DISC1: variants seen among roughly 807,000 people sequenced by gnomAD.
DISC1 encodes the protein disrupted in schizophrenia 1 protein.
DISC1 carries 57 observed loss-of-function variants against 84.5 expected under a neutral mutation model. The observed-to-expected ratio is 0.67, with a 90% CI of 0.55 to 0.84. The LOEUF (loss-of-function observed/expected upper bound fraction) is 0.84. Among genes scored for constraint, DISC1 ranks in the 40% least tolerant of loss-of-function variants. The pLI is 0.00. For missense variants in DISC1, 1,000 were observed against 1,057.8 expected (o/e 0.95, Z 0.76); for synonymous variants, 411 against 415.2 (o/e 0.99, Z 0.12).
At chr1:231,746,712 T>A (rs1189203205) in intron 3 of DISC1, among the ~76,000 whole-genome samples, 1 of 152,210 alleles carries the variant, frequency 6.6e-6, no homozygotes, top group Non-Finnish European at 1.5e-5. Context: ...TGATGATCAG[T>A]GATGTTGAGC....
intron 10 of DISC1, among the ~76,000 whole-genome samples, chr1:232,004,962 T>TTCCA (rs1357152075): frequency 0.22 from 24,523 of 112,626 alleles, 4,207 homozygotes; most frequent in African/African-American, 0.28. Context: ...CCTTCCTTCC[T>TTCCA]TCCTTCTTCC....
intron 6 of DISC1, among the ~76,000 whole-genome samples, chr1:231,788,085 C>A (rs868827153): frequency 2.0e-5 from 3 of 152,142 alleles, no homozygotes; most frequent in Non-Finnish European, 4.4e-5. Context: ...GAGTTTGAGA[C>A]CAGTCTGGAT....
chr1:231,760,538 G>A (rs896517993), intron 4 of DISC1, among the ~76,000 whole-genome samples: 2 of 152,284 alleles, frequency 1.3e-5, no homozygotes, highest in Non-Finnish European at 2.9e-5. Context: ...TTCTAACTGT[G>A]ATGATGAGAA....
chr1:231,634,691 C>T (rs1051986065), intron 1 of DISC1, among the ~76,000 whole-genome samples: 2 of 152,150 alleles, frequency 1.3e-5, no homozygotes, highest in Admixed American at 6.5e-5. Context: ...TTTATTTATT[C>T]ATTCACAAAC....
chr1:231,715,607 G>C (rs1031040841), intron 3 of DISC1, among the ~76,000 whole-genome samples: 1 of 152,016 alleles, frequency 6.6e-6, no homozygotes, highest in Non-Finnish European at 1.5e-5. Flanking sequence ...ATATACTCTG[G>C]GACTGATTGG....
At chr1:231,842,834 AT>A (rs1307287805) in intron 9 of DISC1, among the ~76,000 whole-genome samples, 5 of 152,200 alleles carry the variant, frequency 3.3e-5, no homozygotes, top group Non-Finnish European at 7.3e-5. Context: ...AAAGAAAAAA[AT>A]ATATAGGATT....
intron 9 of DISC1, among the ~76,000 whole-genome samples, chr1:231,882,432 C>G (rs1474499573): frequency 6.6e-6 from 1 of 152,222 alleles, no homozygotes; most frequent in Non-Finnish European, 1.5e-5. Context: ...ATTTGGAAAT[C>G]TTTCAGAGAA....
At chr1:231,928,250 T>C (rs2090459246) in intron 9 of DISC1, among the ~76,000 whole-genome samples, 1 of 152,202 alleles carries the variant, frequency 6.6e-6, no homozygotes. Context: ...GATGACATGA[T>C]ATTTAAACAA....
intron 1 of DISC1, among the ~76,000 whole-genome samples, chr1:231,677,952 G>A (rs944086167): frequency 6.6e-6 from 1 of 151,942 alleles, no homozygotes; most frequent in Non-Finnish European, 1.5e-5. Context: ...ACTCCAGCCT[G>A]GAGTGCAAGA....
chr1:231,774,640 G>C (rs570875521), intron 6 of DISC1: 2 of 454,828 alleles, frequency 4.4e-6, no homozygotes, highest in Admixed American at 4.7e-5. Context: ...CCACCGTAGG[G>C]AGGTGAGGCA....
chr1:231,809,120 A>G (rs1224159757), intron 8 of DISC1, among the ~76,000 whole-genome samples: 2 of 152,246 alleles, frequency 1.3e-5, no homozygotes, highest in Non-Finnish European at 2.9e-5. Flanking sequence ...CAGGGAGCCC[A>G]GTCTGCTAGT....
chr1:231,710,975 T>G (rs915794157), intron 3 of DISC1, among the ~76,000 whole-genome samples: 1 of 152,196 alleles, frequency 6.6e-6, no homozygotes, highest in African/African-American at 2.4e-5. Context: ...AATAATTTAG[T>G]TTGACTATCT....
At chr1:231,656,085 G>A (rs369288631) in intron 1 of DISC1, among the ~76,000 whole-genome samples, 1 of 151,948 alleles carries the variant, frequency 6.6e-6, no homozygotes, top group Non-Finnish European at 1.5e-5. Context: ...GCTGTGTGGA[G>A]CATTTTAGTT....
intron 3 of DISC1, among the ~76,000 whole-genome samples, chr1:231,711,018 T>C (rs928094073): frequency 3.3e-5 from 5 of 152,200 alleles, no homozygotes; most frequent in African/African-American, 9.6e-5. Flanking sequence ...GACATTTGAT[T>C]GAAACTTTTT....
At chr1:231,903,625 G>T (rs1359440958) in intron 9 of DISC1, among the ~76,000 whole-genome samples, 2 of 152,190 alleles carry the variant, frequency 1.3e-5, no homozygotes, top group Non-Finnish European at 2.9e-5. Flanking sequence ...CGCAAAAGCA[G>T]CAGACGAACA....
At chr1:231,879,630 G>A (rs545181236) in intron 9 of DISC1, among the ~76,000 whole-genome samples, 6 of 151,814 alleles carry the variant, frequency 4.0e-5, no homozygotes, top group African/African-American at 1.4e-4. Context: ...ACCCAGGAGA[G>A]ATGGGTGGGG....
chr1:231,798,140 C>CACACACACACACACAT (rs1433743013), intron 7 of DISC1, among the ~76,000 whole-genome samples: 1 of 151,560 alleles, frequency 6.6e-6, no homozygotes, highest in Admixed American at 6.6e-5. Context: ...CACACATACA[C>CACACACACACACACAT]ACACACCCCT....
chr1:231,998,865 A>G (rs986103794), intron 10 of DISC1, among the ~76,000 whole-genome samples: 4 of 152,228 alleles, frequency 2.6e-5, no homozygotes, highest in Admixed American at 1.3e-4. Context: ...GAACTAAAAT[A>G]TAGCCTCAAA....
At chr1:231,629,955 C>T (rs943125426) in intron 1 of DISC1, among the ~76,000 whole-genome samples, 7 of 152,102 alleles carry the variant, frequency 4.6e-5, no homozygotes, top group African/African-American at 7.2e-5. Context: ...TTTTTTGAGA[C>T]GGAGTCTCGT....
Sources: gnomAD v4.1 joint callset for allele counts (sites outside exome capture counted in the v4.1 genomes callset) on GRCh38, gnomAD v4.1.1 for gene constraint, MANE v1.5 for transcripts, NCBI Gene and HGNC (gene_info 2026-07-23, HGNC 2026-07-21) for gene names.